Variants in ANKRD33B observed in about 807,000 individuals in gnomAD.
ANKRD33B encodes ankyrin repeat domain 33B.
Under a neutral mutation model 21.5 loss-of-function variants are expected in ANKRD33B, and 6 were observed. The ratio of observed to expected loss-of-function variants is 0.28; its 90% CI spans 0.15 to 0.55. The LOEUF (loss-of-function observed/expected upper bound fraction) is 0.55. Ranked by LOEUF, ANKRD33B falls within the 20% of genes least tolerant of loss-of-function variation. The pLI is 0.94. For missense variants in ANKRD33B, 698 were observed against 747.2 expected, an observed-to-expected ratio of 0.93 and a Z score of 0.77; for synonymous variants, 347 against 342.4, an observed-to-expected ratio of 1.01 and a Z score of -0.15.
At chr5:10,606,114 T>C (rs1242417662) in intron 1 of ANKRD33B, among the ~76,000 whole-genome samples, 1 of 152,222 alleles carries the variant, frequency 6.6e-6, no homozygotes, top group African/African-American at 2.4e-5. Context: ...ATTAGGTATA[T>C]ACATGAAGTT....
At chr5:10,638,620 T>C (rs1304501795) in intron 3 of ANKRD33B, among the ~76,000 whole-genome samples, 1 of 152,166 alleles carries the variant, frequency 6.6e-6, no homozygotes, top group Non-Finnish European at 1.5e-5. Flanking sequence ...GGAGGTGATG[T>C]GGAGTTGCAT....
intron 1 of ANKRD33B, among the ~76,000 whole-genome samples, chr5:10,568,426 G>A (rs1735105355): frequency 6.6e-6 from 1 of 152,212 alleles, no homozygotes. Flanking sequence ...TGTTTTAATT[G>A]TTGCAGAAGG....
rs138006055 is a variant in ANKRD33B, at chr5:10,567,653, A to G, written c.366+2820A>G. On this transcript the variant is annotated intron_variant, in intron 1 of 3. Coordinates refer to ENST00000296657, the MANE Select transcript of ANKRD33B (RefSeq NM_001164440.2). ...ACCTGGAGCTGAGCAAGGGTAATGT[A>G]GGCATTCACACATTTAGGGCTGAAA... Among the ~76,000 whole-genome samples the G allele has an allele frequency of 5.3e-5, 8 of 152,322 alleles. No homozygotes were observed. The East Asian group carries it at 1.5e-3, about 29-fold the overall frequency.
chr5:10,644,113 C>A (rs1394508116), intron 3 of ANKRD33B, among the ~76,000 whole-genome samples: 1 of 151,800 alleles, frequency 6.6e-6, no homozygotes, highest in African/African-American at 2.4e-5. Context: ...AAGTCTTATT[C>A]TTTCCATTTA....
rs1401818319 is a variant in ANKRD33B at position 10,564,503 on chromosome 5, C to G, written c.36C>G (p.Gly12=). Residue 12 remains glycine, a synonymous_variant, in exon 1 of 4, where the codon GGC becomes GGG. Transcript: ENST00000296657. ...TGGCCGGGACCGGGCCGGAGGGCGG[C>G]GGGGCGCGCTGCATGACCCCACCAC... ...VLLAGTGPEG[G]GARCMTPPPP... 2.0e-6 allele frequency: 3 copies of G among 1,519,980 alleles called. No individual in the cohort carries two copies. Among genetic ancestry groups the G allele is most frequent in the South Asian group, 2.4e-5 (2 of 83,046 alleles). 94.2% of individuals were successfully genotyped at this position (1,519,980 alleles called of 1,614,324 possible).
At chr5:10,625,163 G>T (rs1029170639) in intron 2 of ANKRD33B, 19 of 180,502 alleles carry the variant, frequency 1.1e-4, no homozygotes, top group Non-Finnish European at 2.0e-4. Context: ...TGCCAAAGAG[G>T]CTGTTTAGGC....
chr5:10,618,490 CAG>C (rs1169950201), intron 2 of ANKRD33B, 28 bp downstream of exon 2: 1 of 1,503,996 alleles, frequency 6.6e-7, no homozygotes. Context: ...CCTTTCCTCT[CAG>C]AGCCGTGGCC....
At chr5:10,569,908 G>A (rs1221377234) in intron 1 of ANKRD33B, among the ~76,000 whole-genome samples, 1 of 152,068 alleles carries the variant, frequency 6.6e-6, no homozygotes, top group East Asian at 1.9e-4. Context: ...ATGGAGTCTC[G>A]CTCTGTCACC....
At chr5:10,615,603 T>G (rs1014095493) in intron 1 of ANKRD33B, among the ~76,000 whole-genome samples, 2 of 152,258 alleles carry the variant, frequency 1.3e-5, no homozygotes, top group African/African-American at 4.8e-5. Flanking sequence ...TGTTTTAGTT[T>G]GAAGAAAAAT....
intron 1 of ANKRD33B, among the ~76,000 whole-genome samples, chr5:10,604,510 G>GA (rs555653693): frequency 5.6e-3 from 565 of 101,744 alleles, no homozygotes; most frequent in African/African-American, 0.012. Context: ...GAACCTTTTT[G>GA]AAAAAAAAAA....
At chr5:10,594,240 T>TC in intron 1 of ANKRD33B, among the ~76,000 whole-genome samples, 1 of 149,876 alleles carries the variant, frequency 6.7e-6, no homozygotes, top group South Asian at 2.1e-4. Flanking sequence ...TTTTTTTTTT[T>TC]TTTTGAGACA....
In ANKRD33B at chr5:10,649,385, G is replaced by A. The variant is rs1280478321; in HGVS notation, c.757G>A (p.Glu253Lys). The A allele has an allele frequency of 1.3e-6, 2 of 1,535,514 alleles. No homozygotes were observed. Among genetic ancestry groups the A allele is most frequent in the South Asian group, 1.2e-5 (1 of 84,034 alleles). The change falls in exon 4 of 4, where the codon GAG (glutamate) becomes AAG (lysine). Residue 253 changes from glutamate (E) to lysine (K), a missense_variant. This residue lies in a region of ANKRD33B where 543 missense variants were observed against 566.5 expected (regional missense o/e 0.96). Coordinates refer to ENST00000296657, the MANE Select transcript of ANKRD33B (RefSeq NM_001164440.2). ...GAGGCTGCTGGAGCGCCCCTGCCCG[G>A]AGCAGTTCTGGGAGAAGTACCGGCC... ...MQRLLERPCPEQFWEKYRPEL... is the reference protein window; with the variant it reads ...MQRLLERPCPKQFWEKYRPEL...
rs1258837483 is a variant in ANKRD33B at position 10,619,725 on chromosome 5, T to A, written c.496+1263T>A. 1.3e-5 allele frequency among the ~76,000 whole-genome samples: 2 copies of A among 152,140 alleles called. No homozygotes were observed. Among genetic ancestry groups the A allele is most frequent in the Non-Finnish European group, 2.9e-5 (2 of 68,036 alleles). On this transcript the variant is annotated intron_variant, in intron 2 of 3. Transcript: ENST00000296657. The surrounding 1 kb of genome is among the most constrained non-coding windows in gnomAD (Gnocchi z 4.5). ...AAACCTAGCAAGAGTGTGAAAGGGC[T>A]TTGTAAGGCATTCAGTGATTCGTTT...
At chr5:10,565,151 C>G (rs987131465) in intron 1 of ANKRD33B, among the ~76,000 whole-genome samples, 22 of 152,234 alleles carry the variant, frequency 1.4e-4, no homozygotes, top group African/African-American at 5.3e-4. Flanking sequence ...GCTGGCTGCC[C>G]GTGCTGCAAT....
At chr5:10,591,686 GTAAGAT>G (rs1345865235) in intron 1 of ANKRD33B, among the ~76,000 whole-genome samples, 1 of 152,032 alleles carries the variant, frequency 6.6e-6, no homozygotes. Flanking sequence ...TTGCTTACTA[GTAAGAT>G]TATGTATATT....
intron 1 of ANKRD33B, among the ~76,000 whole-genome samples, chr5:10,585,431 G>A (rs1292240258): frequency 6.6e-6 from 1 of 152,200 alleles, no homozygotes; most frequent in Non-Finnish European, 1.5e-5. Context: ...GACGTCTTAG[G>A]TCTGACTTCG....
At chr5:10,635,484 T>C (rs1328905665) in intron 2 of ANKRD33B, among the ~76,000 whole-genome samples, 1 of 152,250 alleles carries the variant, frequency 6.6e-6, no homozygotes, top group Non-Finnish European at 1.5e-5. Flanking sequence ...AGCGACTGGC[T>C]GTGAGTCACG....
At position 10,640,054 on chromosome 5, in the gene ANKRD33B, G is replaced by A. The variant is rs377316440; in HGVS notation, c.637+1886G>A. ...AGCGGGTGACGTGGAGTTGCACGGT[G>A]ATGTTAGGCGGTGACGTGGAGTTGC... On this transcript the variant is annotated intron_variant, in intron 3 of 3. Transcript: ENST00000296657. Among the ~76,000 whole-genome samples, 276 of 89,098 alleles carry A rather than the reference G, an allele frequency of 3.1e-3. 6 individuals carry two copies. Among genetic ancestry groups the A allele is most frequent in the Admixed American group, 0.012 (104 of 9,032 alleles). The allele number at this position is 89,098 out of a possible 152,430, so 58.5% of individuals were successfully genotyped here.
At chr5:10,572,947 CTGAG>C (rs1449919224) in intron 1 of ANKRD33B, among the ~76,000 whole-genome samples, 1 of 152,218 alleles carries the variant, frequency 6.6e-6, no homozygotes, top group Non-Finnish European at 1.5e-5. Flanking sequence ...TACTTCTGAT[CTGAG>C]TTTCATCAGA....
Sources: gnomAD v4.1 joint callset for allele counts (sites outside exome capture counted in the v4.1 genomes callset) on GRCh38, gnomAD v4.1.1 for gene constraint, gnomAD v4.1.1 regional missense constraint, Gnocchi (gnomAD v3.1) non-coding constraint, MANE v1.5 for transcripts, NCBI Gene and HGNC (gene_info 2026-07-23, HGNC 2026-07-21) for gene names.